Variants in PKP4 observed in about 807,000 individuals in gnomAD.
PKP4 encodes the protein plakophilin 4.
In PKP4, 90 loss-of-function variants were observed where a neutral mutation model predicts 145.1. That is an observed-to-expected ratio of 0.62 (90% CI 0.52 to 0.74). The LOEUF (loss-of-function observed/expected upper bound fraction) is 0.74, where lower values mean the gene tolerates loss of function less well. Among genes scored for constraint, PKP4 ranks in the 30% least tolerant of loss-of-function variants. PKP4 has a pLI of 0.00. For missense variants in PKP4, 1,340 were observed against 1,482.7 expected, an observed-to-expected ratio of 0.90 and a Z score of 1.58; for synonymous variants, 563 against 577.2, an observed-to-expected ratio of 0.98 and a Z score of 0.35.
intron 9 of PKP4, among the ~76,000 whole-genome samples, chr2:158,638,181 A>T (rs952621640): frequency 2.0e-5 from 3 of 152,262 alleles, no homozygotes; most frequent in Non-Finnish European, 4.4e-5. Flanking sequence ...CAGTTTCAAT[A>T]TATAAAAGGA....
chr2:158,663,109 G>A, intron 14 of PKP4, 21 bp downstream of exon 14: 2 of 1,570,310 alleles, frequency 1.3e-6, no homozygotes, highest in Non-Finnish European at 1.7e-6. Context: ...TATTTTATAT[G>A]AGACTCTCAA....
intron 3 of PKP4, among the ~76,000 whole-genome samples, chr2:158,585,985 C>T (rs1241104548): frequency 6.6e-6 from 1 of 151,126 alleles, no homozygotes; most frequent in Non-Finnish European, 1.5e-5. Context: ...TATGGATTTG[C>T]CTATTCTCAA....
intron 20 of PKP4, chr2:158,677,080 T>C: frequency 1.7e-6 from 1 of 596,032 alleles, no homozygotes; most frequent in South Asian, 1.7e-5. Flanking sequence ...TGTATGTATG[T>C]ATGTAGTTGT....
At chr2:158,650,031 G>A (rs1188661447) in intron 11 of PKP4, among the ~76,000 whole-genome samples, 2 of 152,148 alleles carry the variant, frequency 1.3e-5, no homozygotes, top group Non-Finnish European at 2.9e-5. Context: ...CAGTTTCTTG[G>A]GCAAATCTCT....
At chr2:158,558,265 C>A (rs909297528) in intron 2 of PKP4, among the ~76,000 whole-genome samples, 7 of 152,110 alleles carry the variant, frequency 4.6e-5, no homozygotes, top group Non-Finnish European at 1.0e-4. Flanking sequence ...TAGTACATTT[C>A]GGCCGATGCT....
chr2:158,503,243 A>G (rs1031997432), intron 1 of PKP4, among the ~76,000 whole-genome samples: 1 of 152,240 alleles, frequency 6.6e-6, no homozygotes, highest in Non-Finnish European at 1.5e-5. Context: ...AGATATGTCA[A>G]AAGGAATTCC....
intron 2 of PKP4, among the ~76,000 whole-genome samples, chr2:158,558,502 A>C (rs2046274340): frequency 6.6e-6 from 1 of 152,272 alleles, no homozygotes; most frequent in South Asian, 2.1e-4. Context: ...AGGATGCAGA[A>C]AGGTCAGGGT....
At chr2:158,475,932 A>T (rs1418661885) in intron 1 of PKP4, among the ~76,000 whole-genome samples, 1 of 152,230 alleles carries the variant, frequency 6.6e-6, no homozygotes, top group African/African-American at 2.4e-5. Flanking sequence ...TTTCTCTAAT[A>T]GGGACAGTCC....
intron 2 of PKP4, among the ~76,000 whole-genome samples, chr2:158,552,483 G>C (rs1375040226): frequency 6.6e-6 from 1 of 152,160 alleles, no homozygotes; most frequent in Non-Finnish European, 1.5e-5. Context: ...GTAGAGTCTG[G>C]AATAATTTTT....
intron 16 of PKP4, among the ~76,000 whole-genome samples, chr2:158,668,412 A>C (rs1431589985): frequency 6.6e-5 from 10 of 152,128 alleles, no homozygotes; most frequent in Non-Finnish European, 1.5e-4. Context: ...TTTCACAAAG[A>C]AGCAAAGTTT....
At chr2:158,543,663 A>G (rs1307595241) in intron 2 of PKP4, among the ~76,000 whole-genome samples, 1 of 152,212 alleles carries the variant, frequency 6.6e-6, no homozygotes, top group Non-Finnish European at 1.5e-5. Context: ...GATATCCAGA[A>G]ATTACAATCC....
At chr2:158,508,332 C>T (rs539672466) in intron 1 of PKP4, among the ~76,000 whole-genome samples, 10 of 144,482 alleles carry the variant, frequency 6.9e-5, no homozygotes, top group African/African-American at 1.0e-4. Context: ...CGCCATTGCA[C>T]TCCAGCCTGG....
chr2:158,527,261 C>T (rs1405599077), intron 1 of PKP4, among the ~76,000 whole-genome samples: 4 of 146,444 alleles, frequency 2.7e-5, no homozygotes, highest in African/African-American at 1.0e-4. Flanking sequence ...GTAACCCAAA[C>T]AGCATGGTAC....
intron 3 of PKP4, among the ~76,000 whole-genome samples, chr2:158,592,933 A>G (rs1574669637): frequency 1.3e-5 from 2 of 152,268 alleles, no homozygotes; most frequent in Admixed American, 1.3e-4. Flanking sequence ...GCTTAGTCCC[A>G]TGTTAATGCT....
At chr2:158,657,125 G>A (rs1465880782) in intron 11 of PKP4, among the ~76,000 whole-genome samples, 3 of 152,164 alleles carry the variant, frequency 2.0e-5, no homozygotes, top group Non-Finnish European at 4.4e-5. Flanking sequence ...CAGGAGTGTA[G>A]GACTCTGGGG....
chr2:158,674,141 C>T, intron 19 of PKP4, 141 bp downstream of exon 19: 1 of 710,632 alleles, frequency 1.4e-6, no homozygotes, highest in Non-Finnish European at 2.6e-6. Context: ...CTGTAGGAAT[C>T]ACACACCATT....
At chr2:158,625,452 A>C (rs769886951) in intron 7 of PKP4, 25 bp downstream of exon 7, 1 of 1,548,188 alleles carries the variant, frequency 6.5e-7, no homozygotes, top group Non-Finnish European at 8.8e-7. Flanking sequence ...ACAGTGCTAC[A>C]TAAAACCCAG....
chr2:158,486,412 A>G (rs1245309539), intron 1 of PKP4, among the ~76,000 whole-genome samples: 1 of 152,226 alleles, frequency 6.6e-6, no homozygotes, highest in Non-Finnish European at 1.5e-5. Flanking sequence ...GGGAAAACGT[A>G]TAGTTTGGTA....
At chr2:158,660,813 G>A (rs955793956) in intron 12 of PKP4, 1 of 152,010 alleles carries the variant, frequency 6.6e-6, no homozygotes, top group Non-Finnish European at 1.5e-5. Flanking sequence ...AACATTTAAT[G>A]ACCACCTACT....
Sources: gnomAD v4.1 joint callset for allele counts (sites outside exome capture counted in the v4.1 genomes callset) on GRCh38, gnomAD v4.1.1 for gene constraint, MANE v1.5 for transcripts, NCBI Gene and HGNC (gene_info 2026-07-23, HGNC 2026-07-21) for gene names.